Variants in EP400 observed in about 807,000 individuals in gnomAD.
The protein encoded by EP400 is E1A-binding protein p400.
EP400 carries 105 observed loss-of-function variants against 354.1 expected under a neutral mutation model. That is an observed-to-expected ratio of 0.30 (90% CI 0.25 to 0.35). EP400 has a LOEUF of 0.35. Ranked by LOEUF, EP400 falls within the 10% of genes least tolerant of loss-of-function variation. EP400 has a pLI of 1.00. For synonymous variants in EP400, 1,646 were observed against 1,716.9 expected, an observed-to-expected ratio of 0.96 and a Z score of 1.02; for missense variants, 3,280 against 4,121.0, an observed-to-expected ratio of 0.80 and a Z score of 5.59.
chr12:132,067,175 C>A lies in EP400; in HGVS notation c.8750-187C>A. 8.6e-7 allele frequency: 1 copy of A among 1,164,266 alleles called. No homozygotes were observed. The highest frequency in any genetic ancestry group is 1.2e-6 in the Non-Finnish European group (1 of 836,454). The allele number at this position is 1,164,266 out of a possible 1,614,324, so 72.1% of individuals were successfully genotyped here. On this transcript the variant is annotated intron_variant, in intron 49 of 52. Transcript: ENST00000389561. This position sits in a 1 kb window ranked among gnomAD's most constrained non-coding sequence, Gnocchi z 5.3. ...TGAACTGTTAACATTCTGAAATTTC[C>A]GTCTTAATTTAAGTGTAATTTGTGA...
At chr12:132,001,718 C>T (rs572085584) in intron 12 of EP400, among the ~76,000 whole-genome samples, 56 of 152,332 alleles carry the variant, frequency 3.7e-4, no homozygotes, top group Admixed American at 1.6e-3. Flanking sequence ...CAGGAGCCCT[C>T]TGGTGGCCCT....
intron 32 of EP400, among the ~76,000 whole-genome samples, chr12:132,041,920 A>T (rs1325819248): frequency 1.4e-5 from 2 of 147,520 alleles, no homozygotes; most frequent in South Asian, 2.2e-4. Flanking sequence ...AATTTTTTTT[A>T]AATTGGATTT....
chr12:131,977,376 A>G (rs1456490672), intron 2 of EP400, among the ~76,000 whole-genome samples: 1 of 149,324 alleles, frequency 6.7e-6, no homozygotes, highest in Non-Finnish European at 1.5e-5. Context: ...CTTGTGATCC[A>G]CCCACCTCGG....
intron 34 of EP400, 60 bp from the exon 35 acceptor site, chr12:132,044,117 T>A: frequency 6.3e-7 from 1 of 1,594,748 alleles, no homozygotes; most frequent in South Asian, 1.1e-5. Flanking sequence ...GAGCAGGGAC[T>A]CGGGGGCTGC....
chr12:132,042,488 G>A (rs915127938), intron 32 of EP400, among the ~76,000 whole-genome samples: 2 of 152,062 alleles, frequency 1.3e-5, no homozygotes, highest in African/African-American at 2.4e-5. Flanking sequence ...AGGTCACCGG[G>A]CATCCTCCTC....
intron 41 of EP400, 57 bp from the exon 42 acceptor site, chr12:132,053,089 T>G (rs1593376222): frequency 1.1e-5 from 18 of 1,574,178 alleles, no homozygotes; most frequent in Non-Finnish European, 1.4e-5. Context: ...GGGTACGTGG[T>G]ACTTGTCTGT....
chr12:132,005,429 T>A (rs1165166387), intron 13 of EP400, among the ~76,000 whole-genome samples: 1 of 152,236 alleles, frequency 6.6e-6, no homozygotes, highest in Non-Finnish European at 1.5e-5. Context: ...TTCTCTAGAT[T>A]TATAAACATC....
chr12:131,961,792 T>A lies in EP400; in HGVS notation c.1173T>A (p.Phe391Leu), dbSNP rs377171805. ...TCAAGGAGTATTTGATTGAACTGTT[T>A]TTCTTGCAACACTTTCAAGGGAACA... ...EVFKEYLIEL[F>L]FLQHFQGNMM... Residue 391 changes from phenylalanine to leucine, a missense_variant, in exon 2 of 53, where the codon TTT becomes TTA. Around this residue, in one of 20 missense-constraint regions of EP400, gnomAD observed 85 missense variants for 180.3 expected, o/e 0.47. Coordinates refer to ENST00000389561, the MANE Select transcript of EP400 (RefSeq NM_015409.5). 2 of 1,614,122 alleles carry A rather than the reference T, an allele frequency of 1.2e-6. No individual in the cohort carries two copies. Among genetic ancestry groups the A allele is most frequent in the Non-Finnish European group, 1.7e-6 (2 of 1,180,052 alleles).
intron 2 of EP400, among the ~76,000 whole-genome samples, chr12:131,974,047 C>A (rs1892385800): frequency 1.3e-5 from 2 of 148,342 alleles, no homozygotes; most frequent in South Asian, 4.2e-4. Context: ...AACACGATCT[C>A]AGCTCACCAC....
rs554427645 is a variant in EP400 at position 132,023,619 on chromosome 12, T to C, written c.4691-158T>C. ...TTTCTCTTTTTAATTAAAATAATTA[T>C]TTTTAAGAAGTGGTAGAAAACACTA... On this transcript the variant is annotated intron_variant, in intron 23 of 52. Transcript: ENST00000389561. Among the ~76,000 whole-genome samples the C allele has an allele frequency of 3.3e-5, 5 of 152,344 alleles. No homozygotes were observed. The South Asian group carries it at 1.0e-3, about 32-fold the overall frequency.
chr12:131,982,615 TACTC>T (rs1224727530), intron 5 of EP400, 137 bp downstream of exon 5: 2 of 1,094,666 alleles, frequency 1.8e-6, no homozygotes, highest in Non-Finnish European at 2.6e-6. Context: ...TTAGAACAAT[TACTC>T]AATTCAGTAC....
chr12:132,005,015 C>T, intron 12 of EP400, 62 bp from the exon 13 acceptor site: 3 of 1,335,508 alleles, frequency 2.2e-6, no homozygotes, highest in Non-Finnish European at 3.2e-6. Flanking sequence ...GCTGCTCCTT[C>T]CCAATTTAAA....
chr12:131,964,487 AC>A (rs1383882075), intron 2 of EP400, among the ~76,000 whole-genome samples: 3 of 152,140 alleles, frequency 2.0e-5, no homozygotes, highest in African/African-American at 7.2e-5. Flanking sequence ...AAACAAACAA[AC>A]AAAAACCAAA....
intron 39 of EP400, among the ~76,000 whole-genome samples, chr12:132,049,169 A>G (rs901465625): frequency 6.6e-6 from 1 of 152,244 alleles, no homozygotes; most frequent in Non-Finnish European, 1.5e-5. Context: ...GGGCTCCAGC[A>G]AGCCATGCGG....
intron 25 of EP400, among the ~76,000 whole-genome samples, chr12:132,026,694 G>T (rs965180877): frequency 6.6e-6 from 1 of 152,094 alleles, no homozygotes; most frequent in Non-Finnish European, 1.5e-5. Flanking sequence ...AGCTTCAGAG[G>T]CCCCAGTACC....
At chr12:132,010,771 G>A (rs553179937) in intron 15 of EP400, among the ~76,000 whole-genome samples, 66 of 152,158 alleles carry the variant, frequency 4.3e-4, no homozygotes, top group Non-Finnish European at 7.2e-4. Context: ...GTGACACCCC[G>A]TCTCTACTAA....
chr12:131,987,592 C>CT, intron 6 of EP400, 113 bp from the exon 7 acceptor site: 5 of 854,612 alleles, frequency 5.9e-6, no homozygotes, highest in Non-Finnish European at 8.6e-6. Context: ...TTCTCTCTTT[C>CT]TTAGTGCCTG....
At chr12:132,064,961 G>T in intron 48 of EP400, 75 bp downstream of exon 48, 1 of 1,518,990 alleles carries the variant, frequency 6.6e-7, no homozygotes. Flanking sequence ...CGCTTGCTCA[G>T]GTGCGTGTCA....
chr12:132,019,405 A>G (rs1565917982), intron 21 of EP400, among the ~76,000 whole-genome samples: 2 of 152,132 alleles, frequency 1.3e-5, no homozygotes, highest in South Asian at 2.1e-4. Context: ...AAAATGGCCA[A>G]TATAGTTCCC....
Sources: gnomAD v4.1 joint callset for allele counts (sites outside exome capture counted in the v4.1 genomes callset) on GRCh38, gnomAD v4.1.1 for gene constraint, gnomAD v4.1.1 regional missense constraint, Gnocchi (gnomAD v3.1) non-coding constraint, MANE v1.5 for transcripts, NCBI Gene and HGNC (gene_info 2026-07-23, HGNC 2026-07-21) for gene names.